Variants in MBOAT2 observed in about 807,000 individuals in gnomAD.
MBOAT2 encodes membrane bound glycerophospholipid O-acyltransferase 2, also known as membrane-bound glycerophospholipid O-acyltransferase 2.
In MBOAT2, 28 loss-of-function variants were observed where a neutral mutation model predicts 63.4. That is an observed-to-expected ratio of 0.44 (90% CI 0.33 to 0.61). The LOEUF (loss-of-function observed/expected upper bound fraction) is 0.61, where lower values mean the gene tolerates loss of function less well. Among genes scored for constraint, MBOAT2 ranks in the 20% least tolerant of loss-of-function variants. The pLI, the probability that MBOAT2 is intolerant of heterozygous loss-of-function variation, is 0.03. For missense variants in MBOAT2, 470 were observed against 605.8 expected, an observed-to-expected ratio of 0.78 and a Z score of 2.35; for synonymous variants, 211 against 215.6, an observed-to-expected ratio of 0.98 and a Z score of 0.19.
At chr2:8,951,947 A>G (rs1668866220) in intron 2 of MBOAT2, among the ~76,000 whole-genome samples, 1 of 151,908 alleles carries the variant, frequency 6.6e-6, no homozygotes, top group Non-Finnish European at 1.5e-5. Flanking sequence ...AATTTTAGTT[A>G]TTTCTTTTCT....
intron 3 of MBOAT2, among the ~76,000 whole-genome samples, chr2:8,928,595 A>T (rs1667094014): frequency 6.6e-6 from 1 of 152,194 alleles, no homozygotes. Context: ...TACGAATTAA[A>T]ACTGAGAATT....
At chr2:8,873,389 T>A in intron 7 of MBOAT2, 89 bp from the exon 8 acceptor site, 1 of 1,321,100 alleles carries the variant, frequency 7.6e-7, no homozygotes, top group Non-Finnish European at 1.0e-6. Flanking sequence ...TCTTCCTGAA[T>A]GGATCATCAG....
At chr2:8,889,232 G>C (rs115684035) in intron 4 of MBOAT2, among the ~76,000 whole-genome samples, 5 of 152,302 alleles carry the variant, frequency 3.3e-5, no homozygotes, top group African/African-American at 1.2e-4. Flanking sequence ...GCAGAAGCTC[G>C]AACTGCTGCC....
chr2:8,984,131 T>C (rs1671388424), intron 1 of MBOAT2, among the ~76,000 whole-genome samples: 1 of 152,138 alleles, frequency 6.6e-6, no homozygotes. Flanking sequence ...TGAAAACATA[T>C]GCTAAGTGAA....
intron 8 of MBOAT2, among the ~76,000 whole-genome samples, chr2:8,870,226 A>AT (rs1234941696): frequency 2.0e-5 from 3 of 152,266 alleles, no homozygotes; most frequent in East Asian, 1.9e-4. Context: ...CCAGTAAATC[A>AT]TTTTTTTGAG....
intron 1 of MBOAT2, among the ~76,000 whole-genome samples, chr2:8,979,956 T>C (rs1671087160): frequency 6.6e-6 from 1 of 152,110 alleles, no homozygotes; most frequent in Non-Finnish European, 1.5e-5. Context: ...TCCCAGACTA[T>C]GGACTGCCAG....
At chr2:8,961,717 G>A (rs749495613) in intron 1 of MBOAT2, among the ~76,000 whole-genome samples, 11 of 152,130 alleles carry the variant, frequency 7.2e-5, no homozygotes, top group Admixed American at 3.3e-4. Context: ...CATAAGCCAC[G>A]TTGTTAATAT....
intron 1 of MBOAT2, among the ~76,000 whole-genome samples, chr2:9,000,970 T>A (rs1672644355): frequency 6.6e-6 from 1 of 152,218 alleles, no homozygotes; most frequent in Non-Finnish European, 1.5e-5. Context: ...TCTATTAAAA[T>A]TTTTTTAATT....
At chr2:8,963,309 AT>A (rs1205530413) in intron 1 of MBOAT2, among the ~76,000 whole-genome samples, 3 of 151,136 alleles carry the variant, frequency 2.0e-5, no homozygotes, top group South Asian at 4.2e-4. Context: ...AAAGAAACTA[AT>A]TTTTTTTTCT....
At chr2:8,989,824 A>C (rs1004453112) in intron 1 of MBOAT2, among the ~76,000 whole-genome samples, 5 of 152,222 alleles carry the variant, frequency 3.3e-5, no homozygotes, top group African/African-American at 1.2e-4. Context: ...AGAAGTGTTC[A>C]AATACAATCC....
Position 8,890,020 on chromosome 2 carries a change from G to GGGTGACGTGTAGCTAGGAGGACA in MBOAT2, c.396-1970_396-1948dup, listed in dbSNP as rs1189773389. Among the ~76,000 whole-genome samples, 10 of 152,182 alleles carry GGGTGACGTGTAGCTAGGAGGACA rather than the reference G, an allele frequency of 6.6e-5. No individual in the cohort carries two copies. The East Asian group carries it at 1.7e-3, about 27-fold the overall frequency. On this transcript the variant is annotated intron_variant, in intron 4 of 12. Transcript: ENST00000305997. The stretch of plus-strand genomic sequence containing the variant: ...ATGTGTGACATGTACCTGAGAGGAT[G>GGGTGACGTGTAGCTAGGAGGACA]GGTGACGTGTAGCTAGGAGGACAGG...
At chr2:8,890,522 T>TA (rs1170010874) in intron 4 of MBOAT2, among the ~76,000 whole-genome samples, 9 of 152,130 alleles carry the variant, frequency 5.9e-5, no homozygotes, top group Non-Finnish European at 7.4e-5. Flanking sequence ...GTGCTAAATG[T>TA]AAAAAAATGT....
intron 2 of MBOAT2, among the ~76,000 whole-genome samples, chr2:8,954,188 C>T (rs1287063124): frequency 6.6e-6 from 1 of 151,744 alleles, no homozygotes; most frequent in Admixed American, 6.6e-5. Flanking sequence ...GCTTCTATAG[C>T]CCTATACACT....
At chr2:8,917,695 A>G (rs575078285) in intron 3 of MBOAT2, among the ~76,000 whole-genome samples, 1 of 152,334 alleles carries the variant, frequency 6.6e-6, no homozygotes, top group South Asian at 2.1e-4. Flanking sequence ...GGATTAAAAT[A>G]TTTTTATTCG....
intron 1 of MBOAT2, among the ~76,000 whole-genome samples, chr2:8,990,465 C>T (rs1421639338): frequency 6.6e-6 from 1 of 152,084 alleles, no homozygotes; most frequent in Non-Finnish European, 1.5e-5. Context: ...CTTTAATATA[C>T]TATTTTACTA....
intron 1 of MBOAT2, among the ~76,000 whole-genome samples, chr2:8,977,192 G>A (rs1347974414): frequency 6.6e-6 from 1 of 152,028 alleles, no homozygotes; most frequent in African/African-American, 2.4e-5. Context: ...CAGCTTTGGT[G>A]TCACTTATAC....
chr2:8,953,115 G>T (rs1213656096), intron 2 of MBOAT2, among the ~76,000 whole-genome samples: 1 of 152,086 alleles, frequency 6.6e-6, no homozygotes, highest in Non-Finnish European at 1.5e-5. Flanking sequence ...ATTGTTCTTT[G>T]TTTCTGTGTT....
chr2:8,889,861 A>G (rs1663857650), intron 4 of MBOAT2, among the ~76,000 whole-genome samples: 1 of 152,236 alleles, frequency 6.6e-6, no homozygotes, highest in Non-Finnish European at 1.5e-5. Context: ...TCTTGTGCCC[A>G]CTTGGGCCCC....
chr2:8,875,245 C>A (rs910887637), intron 7 of MBOAT2, among the ~76,000 whole-genome samples: 2 of 152,004 alleles, frequency 1.3e-5, no homozygotes, highest in African/African-American at 2.4e-5. Flanking sequence ...CACTATTTGA[C>A]TTTATAAAGT....
Sources: gnomAD v4.1 joint callset for allele counts (sites outside exome capture counted in the v4.1 genomes callset) on GRCh38, gnomAD v4.1.1 for gene constraint, MANE v1.5 for transcripts, NCBI Gene and HGNC (gene_info 2026-07-23, HGNC 2026-07-21) for gene names.